The following HGFAC variants were observed in gnomAD, a reference collection of about 807,000 sequenced individuals.
The protein encoded by HGFAC is HGF activator, also known as hepatocyte growth factor activator serine protease.
HGFAC carries 76 observed loss-of-function variants against 70.6 expected under a neutral mutation model. The observed-to-expected ratio is 1.08, with a 90% CI of 0.89 to 1.30. HGFAC has a LOEUF of 1.30. Ranked by LOEUF, HGFAC falls within the 50% of genes most tolerant of loss-of-function variation. The pLI is 0.00. For missense variants in HGFAC, 1,044 were observed against 933.7 expected, an observed-to-expected ratio of 1.12 and a Z score of -1.54; for synonymous variants, 464 against 405.3, an observed-to-expected ratio of 1.14 and a Z score of -1.74.
At chr4:3,445,767 G>T (rs1725486226) in intron 9 of HGFAC, 3 of 1,083,044 alleles carry the variant, frequency 2.8e-6, no homozygotes, top group African/African-American at 1.5e-5. Context: ...CTGTGCTGGG[G>T]CTGGCTGTGG....
chr4:3,443,089 G>A lies in HGFAC; in HGVS notation c.338G>A (p.Arg113His), dbSNP rs368174451. The change falls in exon 3 of 14, where the codon CGC becomes CAC. Residue 113 changes from arginine (R) to histidine (H), a missense_variant. Transcript: ENST00000382774. ...EDGRPCRFPFRYGGRMLHACT... is the reference protein window; with the variant it reads ...EDGRPCRFPFHYGGRMLHACT... ...GGGAGGCCCTGCAGGTTCCCCTTCC[G>A]CTACGGGGGCCGCATGCTGCATGCC... is the stretch of plus-strand genomic sequence containing the variant. 56 of 1,598,448 alleles carry A rather than the reference G, an allele frequency of 3.5e-5. No individual in the cohort carries two copies. The highest frequency in any genetic ancestry group is 5.0e-5 in the Admixed American group (3 of 59,480).
At position 3,446,108 on chromosome 4, in the gene HGFAC, G is replaced by A. The variant is rs776274305; in HGVS notation, c.1169G>A (p.Gly390Glu). ...LATLPEPASP[G>E]RQACGRRHKK... ...ACCCTGCCTGAGCCAGCCTCCCCGG[G>A]GCGCCAGGCCTGCGGCAGGAGGCAC... is the stretch of plus-strand genomic sequence containing the variant. Residue 390 changes from glycine to glutamate, a missense_variant, in exon 10 of 14, where the codon GGG becomes GAG. Transcript: ENST00000382774. The A allele has an allele frequency of 9.3e-6, 15 of 1,610,730 alleles. No individual in the cohort carries two copies. The East Asian group carries it at 3.3e-4, about 36-fold the overall frequency.
At chr4:3,442,192 G>C in intron 1 of HGFAC, 74 bp downstream of exon 1, 1 of 1,182,518 alleles carries the variant, frequency 8.5e-7, no homozygotes, top group Non-Finnish European at 1.2e-6. Flanking sequence ...GGAGGCCAGA[G>C]GGAGGGTCGC....
intron 9 of HGFAC, 136 bp from the exon 10 acceptor site, chr4:3,445,906 C>T (rs757649421): frequency 2.4e-5 from 37 of 1,549,710 alleles, no homozygotes; most frequent in South Asian, 3.6e-5. Context: ...GGTGAGTGGG[C>T]GCCAGGGCCT....
chr4:3,445,209 A>C, intron 8 of HGFAC, 56 bp from the exon 9 acceptor site: 1 of 1,437,166 alleles, frequency 7.0e-7, no homozygotes, highest in Non-Finnish European at 9.6e-7. Context: ...CCCCCTCCCC[A>C]TGCCCTCTTC....
intron 9 of HGFAC, 24 bp downstream of exon 9, chr4:3,445,374 G>T: frequency 1.3e-6 from 2 of 1,518,058 alleles, no homozygotes; most frequent in South Asian, 2.4e-5. Flanking sequence ...GGGGGGTGCT[G>T]CCTTGGGCCC....
intron 9 of HGFAC, 105 bp downstream of exon 9, chr4:3,445,455 C>A: frequency 1.2e-6 from 1 of 816,250 alleles, no homozygotes; most frequent in Non-Finnish European, 2.1e-6. Context: ...GCATCTCTGA[C>A]AAATGGGGAA....
chr4:3,444,252 G>A, intron 5 of HGFAC, 59 bp from the exon 6 acceptor site: 1 of 1,562,936 alleles, frequency 6.4e-7, no homozygotes, highest in East Asian at 2.4e-5. Context: ...GTGCAGGGCA[G>A]GGGCCCTGCA....
At chr4:3,446,405 A>G in intron 10 of HGFAC, 111 bp downstream of exon 10, 2 of 1,394,742 alleles carry the variant, frequency 1.4e-6, no homozygotes, top group East Asian at 5.0e-5. Flanking sequence ...GCCTCTGCTG[A>G]CCCCTTCCCG....
Position 3,442,761 on chromosome 4 carries a change from C to G in HGFAC, c.147C>G (p.Ala49=). The G allele has an allele frequency of 6.6e-7, 1 of 1,518,448 alleles. No homozygotes were observed. 94.1% of individuals were successfully genotyped at this position (1,518,448 alleles called of 1,614,324 possible). Residue 49 remains alanine, a synonymous_variant, in exon 2 of 14, where the codon GCC becomes GCG. Transcript: ENST00000382774. Reference sequence around the variant, plus strand: ...GTACGGAGTCCCCAGAACCTAATGCCACAGCGACCCCTGCGATCCCCACTA... The same window carrying G: ...GTACGGAGTCCCCAGAACCTAATGCGACAGCGACCCCTGCGATCCCCACTA... ...GNRTESPEPN[A]TATPAIPTIL...
chr4:3,448,061 G>A (rs774377646), intron 12 of HGFAC, 26 bp downstream of exon 12: 100 of 1,546,410 alleles, frequency 6.5e-5, no homozygotes, highest in Middle Eastern at 1.9e-4. Flanking sequence ...GGCGCCCAGC[G>A]CCCCGCCAGG....
In HGFAC at chr4:3,449,424, C is replaced by T; in HGVS notation, c.*5C>T. The T allele has an allele frequency of 1.3e-6, 2 of 1,528,184 alleles. No homozygotes were observed. The highest frequency in any genetic ancestry group is 1.4e-5 in the African/African-American group (1 of 71,864). The allele number at this position is 1,528,184 out of a possible 1,614,324, so 94.7% of individuals were successfully genotyped here. A position where few individuals can be genotyped will look rare whatever the true frequency, so the allele number is the denominator to read the frequency against. On this transcript the variant is annotated 3_prime_UTR_variant, in exon 14 of 14. Transcript: ENST00000382774. ...CGGCTTGTGGCTCCCTCCTGACCCTCCAGCGGGACACCCTGGTTCCCACCA... is the reference window on the plus strand; with the variant it reads ...CGGCTTGTGGCTCCCTCCTGACCCTTCAGCGGGACACCCTGGTTCCCACCA...
chr4:3,445,697 C>T (rs1478508632), intron 9 of HGFAC: 3 of 641,644 alleles, frequency 4.7e-6, no homozygotes, highest in East Asian at 2.7e-5. Context: ...GGGGAGAGGC[C>T]CCCCGGCTCC....
At chr4:3,446,588 C>A (rs1165822463) in intron 10 of HGFAC, among the ~76,000 whole-genome samples, 1 of 152,126 alleles carries the variant, frequency 6.6e-6, no homozygotes, top group Non-Finnish European at 1.5e-5. Context: ...CCTGTCCTCC[C>A]CGCAGGCCCC....
chr4:3,446,169 C>T lies in HGFAC; in HGVS notation c.1230C>T (p.Gly410=), dbSNP rs373005235. The stretch of plus-strand genomic sequence containing the variant: ...CGTTCCTGCGGCCACGTATCATCGG[C>T]GGCTCCTCCTCGCTGCCCGGCTCGC... ...KRTFLRPRII[G]GSSSLPGSHP... is the part of the protein sequence containing the mutation. Residue 410 remains glycine, a synonymous_variant, in exon 10 of 14, where the codon GGC becomes GGT. Coordinates refer to ENST00000382774, the MANE Select transcript of HGFAC (RefSeq NM_001528.4). The T allele has an allele frequency of 6.3e-5, 101 of 1,611,392 alleles. No homozygotes were observed. The highest frequency in any genetic ancestry group is 1.7e-4 in the Middle Eastern group (1 of 6,060).
rs186500882 is a variant in HGFAC at position 3,443,155 on chromosome 4, G to T, written c.395+9G>T. The T allele has an allele frequency of 2.7e-6, 4 of 1,504,166 alleles. No homozygotes were observed. The highest frequency in any genetic ancestry group is 2.3e-5 in the East Asian group (1 of 42,644). 93.2% of individuals were successfully genotyped at this position (1,504,166 alleles called of 1,614,324 possible). A position where few individuals can be genotyped will look rare whatever the true frequency, so the allele number is the denominator to read the frequency against. On this transcript the variant is annotated intron_variant, in intron 3 of 13. Transcript: ENST00000382774. ...AGTGCACACAGGAAGTGGTGGGTCC[G>T]GGCAGCCGGGGCACCCGAGCTGGGG...
In HGFAC at chr4:3,444,829, G is replaced by A; in HGVS notation, c.852G>A (p.Glu284=). 1.3e-6 allele frequency: 2 copies of A among 1,597,602 alleles called. No individual in the cohort carries two copies. The highest frequency in any genetic ancestry group is 8.5e-7 in the Non-Finnish European group (1 of 1,172,052). The change falls in exon 8 of 14, where the codon GAG becomes GAA. Residue 284 remains glutamate, a synonymous_variant. Coordinates refer to ENST00000382774, the MANE Select transcript of HGFAC (RefSeq NM_001528.4). ...AGRLCNIEPD[E]RCFLGNGTGY... ...CCCCTCTGCCCGCAGAGCCTGATGA[G>A]CGCTGCTTCTTGGGGAACGGCACTG... is the stretch of plus-strand genomic sequence containing the variant.
chr4:3,444,192 C>T (rs1725410903), intron 5 of HGFAC, 31 bp downstream of exon 5: 3 of 1,574,984 alleles, frequency 1.9e-6, no homozygotes, highest in Non-Finnish European at 2.6e-6. Flanking sequence ...CCGCAGGGGT[C>T]CAGGGGCCGG....
chr4:3,448,739 G>A (rs920095526), intron 13 of HGFAC, among the ~76,000 whole-genome samples: 9 of 152,120 alleles, frequency 5.9e-5, no homozygotes, highest in South Asian at 4.2e-4. Context: ...GGCATGCGAC[G>A]GCTCTCTTAT....
Sources: gnomAD v4.1 joint callset for allele counts (sites outside exome capture counted in the v4.1 genomes callset) on GRCh38, gnomAD v4.1.1 for gene constraint, MANE v1.5 for transcripts, NCBI Gene and HGNC (gene_info 2026-07-23, HGNC 2026-07-21) for gene names.